TLL1: variants seen among roughly 807,000 people sequenced by gnomAD.
TLL1 encodes the protein tolloid like 1, also known as tolloid-like protein 1.
TLL1 carries 49 observed loss-of-function variants against 128.2 expected under a neutral mutation model. That is an observed-to-expected ratio of 0.38 (90% CI 0.30 to 0.48). The LOEUF is 0.48. TLL1 is among the 20% of genes least tolerant of loss of function. The probability of loss-of-function intolerance (pLI) is 0.96; values close to 1 mark genes in which losing one functional copy is unlikely to be tolerated. For synonymous variants in TLL1, 454 were observed against 418.8 expected, an observed-to-expected ratio of 1.08 and a Z score of -1.03; for missense variants, 1,123 against 1,242.0, an observed-to-expected ratio of 0.90 and a Z score of 1.44.
At chr4:165,972,902 C>G (rs1231944623) in intron 1 of TLL1, among the ~76,000 whole-genome samples, 2 of 152,126 alleles carry the variant, frequency 1.3e-5, no homozygotes, top group African/African-American at 2.4e-5. Context: ...GGTAAATGGT[C>G]TATCTTTAGT....
chr4:166,057,895 G>A (rs940944059), intron 14 of TLL1, among the ~76,000 whole-genome samples: 8 of 152,142 alleles, frequency 5.3e-5, no homozygotes, highest in African/African-American at 1.9e-4. Flanking sequence ...AATTATGGGA[G>A]CTGTCATTCA....
intron 10 of TLL1, among the ~76,000 whole-genome samples, chr4:166,039,943 A>G (rs1739170050): frequency 6.6e-6 from 1 of 152,154 alleles, no homozygotes; most frequent in South Asian, 2.1e-4. Context: ...TGCTTCTCAG[A>G]GAGTTTTCTG....
At chr4:165,904,995 C>T (rs924164711) in intron 1 of TLL1, among the ~76,000 whole-genome samples, 1 of 152,160 alleles carries the variant, frequency 6.6e-6, no homozygotes, top group Non-Finnish European at 1.5e-5. Context: ...CTCAGATAGA[C>T]AGACCATTAG....
At chr4:165,932,960 C>A (rs1029102503) in intron 1 of TLL1, among the ~76,000 whole-genome samples, 1 of 152,072 alleles carries the variant, frequency 6.6e-6, no homozygotes, top group Non-Finnish European at 1.5e-5. Context: ...CTTATGTTAC[C>A]GGGGTACATT....
At chr4:166,009,987 C>T (rs1208945831) in intron 7 of TLL1, among the ~76,000 whole-genome samples, 4 of 151,320 alleles carry the variant, frequency 2.6e-5, no homozygotes, top group East Asian at 3.9e-4. Context: ...TTTTCTACCT[C>T]TTCTCAGCCT....
chr4:166,095,523 C>T lies in TLL1; in HGVS notation c.2657-3754C>T, dbSNP rs190618049. ...AAAATCAAAGCATTTTCTCTTGGGA[C>T]TTCTTTTCTGTAACATAAAACATCA... is the stretch of plus-strand genomic sequence containing the variant. On this transcript the variant is annotated intron_variant, in intron 19 of 20. Coordinates refer to ENST00000061240, the MANE Select transcript of TLL1 (RefSeq NM_012464.5). Among the ~76,000 whole-genome samples, 130 of 152,104 alleles carry T rather than the reference C, an allele frequency of 8.5e-4. No homozygotes were observed. In the East Asian group the frequency reaches 0.019, roughly 22 times the overall value.
intron 1 of TLL1, among the ~76,000 whole-genome samples, chr4:165,917,527 G>T (rs999491394): frequency 1.1e-4 from 17 of 152,184 alleles, no homozygotes; most frequent in Admixed American, 7.2e-4. Flanking sequence ...CTTTGCTAGT[G>T]AATGATATAT....
In TLL1 at chr4:165,873,775, C is replaced by A; in HGVS notation, c.-130C>A. 3 of 968,288 alleles carry A rather than the reference C, an allele frequency of 3.1e-6. No homozygotes were observed. The highest frequency in any genetic ancestry group is 4.8e-6 in the Non-Finnish European group (3 of 628,172). 60.0% of individuals were successfully genotyped at this position (968,288 alleles called of 1,614,324 possible). ...ATCCACATGTTTCCGGACACCTGAGCACCCCGGTCCCGCCGAGGAGCCTCC... is the reference window on the plus strand; with the variant it reads ...ATCCACATGTTTCCGGACACCTGAGAACCCCGGTCCCGCCGAGGAGCCTCC... On this transcript the variant is annotated 5_prime_UTR_variant, in exon 1 of 21. Transcript: ENST00000061240.
Position 166,100,992 on chromosome 4 carries a change from C to T in TLL1, c.*116C>T, listed in dbSNP as rs548968567. The T allele has an allele frequency of 1.5e-5, 19 of 1,291,220 alleles. No homozygotes were observed. Among genetic ancestry groups the T allele is most frequent in the South Asian group, 1.2e-4 (9 of 74,974 alleles). The allele number at this position is 1,291,220 out of a possible 1,614,324, so 80.0% of individuals were successfully genotyped here. A position where few individuals can be genotyped will look rare whatever the true frequency, so the allele number is the denominator to read the frequency against. Reference sequence around the variant, plus strand: ...TATACAAAGAGTTTGAACAAAAAATCCCTGTAAGACCAGAATTATCTTTGT... The same window carrying T: ...TATACAAAGAGTTTGAACAAAAAATTCCTGTAAGACCAGAATTATCTTTGT... On this transcript the variant is annotated 3_prime_UTR_variant, in exon 21 of 21. Transcript: ENST00000061240.
chr4:166,058,350 T>C (rs1333027929), intron 14 of TLL1, among the ~76,000 whole-genome samples: 1 of 152,198 alleles, frequency 6.6e-6, no homozygotes, highest in East Asian at 1.9e-4. Flanking sequence ...CTTATTAAAA[T>C]GAGAAGTCCT....
At chr4:166,020,331 G>A (rs1039494) in intron 8 of TLL1, among the ~76,000 whole-genome samples, 133,497 of 150,522 alleles carry the variant, frequency 0.89, 58,786 homozygotes, top group East Asian at 1. Flanking sequence ...TCTATTCCAT[G>A]TACTGTGACA....
chr4:166,087,153 C>A (rs977069437), intron 18 of TLL1, among the ~76,000 whole-genome samples: 1 of 152,022 alleles, frequency 6.6e-6, no homozygotes, highest in South Asian at 2.1e-4. Flanking sequence ...TACAAACAAA[C>A]AAAGTTCTAG....
chr4:165,936,272 T>G (rs1579509904), intron 1 of TLL1, among the ~76,000 whole-genome samples: 1 of 148,110 alleles, frequency 6.8e-6, no homozygotes, highest in East Asian at 2.0e-4. Context: ...CAGGATGGAG[T>G]GCAGTGATGT....
chr4:165,973,470 A>T (rs189499256), intron 1 of TLL1, among the ~76,000 whole-genome samples: 31 of 151,948 alleles, frequency 2.0e-4, no homozygotes, highest in Middle Eastern at 6.8e-3. Flanking sequence ...GGTTTTGTAG[A>T]TCCTTTTGGT....
In TLL1 at chr4:165,995,429, C is replaced by CTGACAATGACATT. The variant is rs1356502461; in HGVS notation, c.632+251_632+252insTGACAATGACATT. ...TCTAACAATGACATTACCAACATCCCACTCACCTGAGCTAGAAACTTCAGT... is the reference window on the plus strand; with the variant it reads ...TCTAACAATGACATTACCAACATCCCTGACAATGACATTACTCACCTGAGCTAGAAACTTCAGT... On this transcript the variant is annotated intron_variant, in intron 5 of 20. Transcript: ENST00000061240. Among the ~76,000 whole-genome samples, 4 of 152,250 alleles carry CTGACAATGACATT rather than the reference C, an allele frequency of 2.6e-5. No homozygotes were observed. The East Asian group carries it at 7.7e-4, about 29-fold the overall frequency.
intron 12 of TLL1, among the ~76,000 whole-genome samples, chr4:166,048,841 T>C (rs1739582266): frequency 2.6e-5 from 4 of 152,222 alleles, no homozygotes; most frequent in Non-Finnish European, 5.9e-5. Flanking sequence ...TTGGTGATAC[T>C]TTCCTTATGA....
chr4:165,940,875 C>A (rs1733976277), intron 1 of TLL1, among the ~76,000 whole-genome samples: 2 of 151,966 alleles, frequency 1.3e-5, no homozygotes, highest in African/African-American at 4.8e-5. Flanking sequence ...AAGCCTTCAC[C>A]ATTTTGGGGG....
chr4:166,007,829 G>C, intron 6 of TLL1, 114 bp from the exon 7 acceptor site: 1 of 734,926 alleles, frequency 1.4e-6, no homozygotes, highest in Non-Finnish European at 2.5e-6. Flanking sequence ...ATGTAAATTC[G>C]ATCAGCAAGA....
intron 2 of TLL1, among the ~76,000 whole-genome samples, chr4:165,991,684 C>A (rs900353006): frequency 7.3e-5 from 11 of 151,570 alleles, no homozygotes; most frequent in African/African-American, 2.7e-4. Flanking sequence ...TAGCTTCAGT[C>A]TAGGTAATTA....
Sources: gnomAD v4.1 joint callset for allele counts (sites outside exome capture counted in the v4.1 genomes callset) on GRCh38, gnomAD v4.1.1 for gene constraint, MANE v1.5 for transcripts, NCBI Gene and HGNC (gene_info 2026-07-23, HGNC 2026-07-21) for gene names.